CBX3: variants seen among roughly 807,000 people sequenced by gnomAD.
CBX3 encodes chromobox 3.
CBX3 carries 5 observed loss-of-function variants against 22.6 expected under a neutral mutation model. That is an observed-to-expected ratio of 0.22 (90% CI 0.12 to 0.47). The LOEUF (loss-of-function observed/expected upper bound fraction) is 0.47. CBX3 is among the 20% of genes least tolerant of loss of function. The pLI, the probability that CBX3 is intolerant of heterozygous loss-of-function variation, is 0.99. For synonymous variants in CBX3, 50 were observed against 66.6 expected (o/e 0.75, Z 1.21); for missense variants, 83 against 208.1 (o/e 0.40, Z 3.70).
At chr7:26,202,538 AAG>A (rs1341550706) in intron 1 of CBX3, 1 of 155,996 alleles carries the variant, frequency 6.4e-6, no homozygotes, top group East Asian at 1.9e-4. Context: ...ACCGATTGGA[AAG>A]AGGGAGGGTT....
At chr7:26,207,220 T>TTCACCTATCTGTTA (rs1784695110) in intron 3 of CBX3, among the ~76,000 whole-genome samples, 1 of 152,204 alleles carries the variant, frequency 6.6e-6, no homozygotes, top group African/African-American at 2.4e-5. Context: ...ATGATTGGGC[T>TTCACCTATCTGTTA]TCACCTATCT....
chr7:26,201,596 C>A (rs1784440431), upstream of CBX3: 1 of 150,534 alleles, frequency 6.6e-6, no homozygotes, highest in African/African-American at 2.4e-5. Context: ...TCCGCCCTCC[C>A]CCTAGGGCCC....
chr7:26,208,632 T>C (rs997262080), intron 4 of CBX3, 77 bp downstream of exon 4: 2 of 1,378,350 alleles, frequency 1.5e-6, no homozygotes, highest in Non-Finnish European at 1.0e-6. Context: ...GTTTGTTTGT[T>C]TTTTTGAGAT....
At chr7:26,202,941 A>C in intron 1 of CBX3, 30 bp from the exon 2 acceptor site, 1 of 1,426,062 alleles carries the variant, frequency 7.0e-7, no homozygotes. Context: ...TGTCATGCAA[A>C]CTTACCTTAA....
intron 2 of CBX3, among the ~76,000 whole-genome samples, chr7:26,204,125 G>A (rs775778944): frequency 1.3e-4 from 20 of 152,090 alleles, no homozygotes; most frequent in Non-Finnish European, 2.5e-4. Flanking sequence ...TTGGAAAAAA[G>A]TGCTGGGTTA....
chr7:26,208,649 T>C lies in CBX3; in HGVS notation c.330+94T>C, dbSNP rs1584039303. On this transcript the variant is annotated intron_variant, in intron 4 of 5. Coordinates refer to ENST00000396386, the MANE Select transcript of CBX3 (RefSeq NM_016587.4). ...TTGTTTGTTTTTTTGAGATGGAGTC[T>C]TGCTCTTGTCGCCCAGGCTGGAGTG... 3.3e-6 allele frequency: 4 copies of C among 1,225,308 alleles called. No individual in the cohort carries two copies. The East Asian group carries it at 1.0e-4, about 31-fold the overall frequency. 75.9% of individuals were successfully genotyped at this position (1,225,308 alleles called of 1,614,324 possible).
intron 2 of CBX3, among the ~76,000 whole-genome samples, chr7:26,205,723 T>C (rs1034187473): frequency 8.5e-5 from 13 of 152,196 alleles, no homozygotes; most frequent in African/African-American, 3.1e-4. Context: ...TATCACCCTT[T>C]AGGTACTTCC....
intron 2 of CBX3, among the ~76,000 whole-genome samples, chr7:26,203,270 G>C (rs901911809): frequency 6.6e-6 from 1 of 152,178 alleles, no homozygotes; most frequent in Non-Finnish European, 1.5e-5. Context: ...GGATTTTGCT[G>C]AGGATTTTTA....
intron 2 of CBX3, among the ~76,000 whole-genome samples, chr7:26,203,586 C>T (rs771605569): frequency 5.6e-4 from 85 of 151,876 alleles, no homozygotes; most frequent in Non-Finnish European, 9.4e-4. Flanking sequence ...CAAATATGAG[C>T]CAGAAGGGAG....
chr7:26,207,204 A>G (rs939721080), intron 3 of CBX3, among the ~76,000 whole-genome samples: 3 of 152,214 alleles, frequency 2.0e-5, no homozygotes, highest in African/African-American at 7.2e-5. Flanking sequence ...AGCATATGAT[A>G]GTCGAATGAT....
At chr7:26,207,023 T>C in intron 3 of CBX3, among the ~76,000 whole-genome samples, 1 of 152,226 alleles carries the variant, frequency 6.6e-6, no homozygotes, top group Non-Finnish European at 1.5e-5. Flanking sequence ...CTTGATAATG[T>C]TATTCACAAA....
rs1584043221 is a variant in CBX3, at chr7:26,212,768, C to G, written c.*560C>G. ...AATTGAAAATTTTCCTGAAACCATA[C>G]ATTTCAAGTGAAATAAGTAATTCTA... On this transcript the variant is annotated 3_prime_UTR_variant, in exon 6 of 6. Transcript: ENST00000396386. The G allele has an allele frequency of 2.0e-5, 3 of 152,352 alleles. No homozygotes were observed. In the South Asian group the frequency reaches 6.2e-4, roughly 32 times the overall value. 9.4% of individuals were successfully genotyped at this position (152,352 alleles called of 1,614,324 possible).
At chr7:26,203,124 A>G (rs1784589942) in intron 2 of CBX3, 102 bp downstream of exon 2, 1 of 680,136 alleles carries the variant, frequency 1.5e-6, no homozygotes, top group Non-Finnish European at 2.5e-6. Flanking sequence ...ACATCCACAT[A>G]TTTCCCAGCT....
intron 2 of CBX3, among the ~76,000 whole-genome samples, chr7:26,203,758 C>T (rs1014770763): frequency 6.6e-6 from 1 of 152,090 alleles, no homozygotes; most frequent in African/African-American, 2.4e-5. Context: ...GTTAATGTCT[C>T]CTAGGTAAAA....
chr7:26,211,761 G>C lies in CBX3; in HGVS notation c.425+5G>C. The C allele has an allele frequency of 6.4e-7, 1 of 1,566,794 alleles. No homozygotes were observed. The highest frequency in any genetic ancestry group is 8.7e-7 in the Non-Finnish European group (1 of 1,149,696). ...ATTGATGTTTCTCATGAAATGGTGA[G>C]TATGCAGAGATTGTTACATTTGAAA... is the stretch of plus-strand genomic sequence containing the variant. On this transcript the variant is annotated splice_donor_5th_base_variant and intron_variant, in intron 5 of 5. Coordinates refer to ENST00000396386, the MANE Select transcript of CBX3 (RefSeq NM_016587.4).
intron 3 of CBX3, among the ~76,000 whole-genome samples, chr7:26,206,728 G>A (rs943909447): frequency 6.6e-6 from 1 of 152,140 alleles, no homozygotes; most frequent in East Asian, 1.9e-4. Context: ...TTATTACCCT[G>A]GGGAGTCAAA....
chr7:26,203,442 T>TC (rs1411818172), intron 2 of CBX3, among the ~76,000 whole-genome samples: 1 of 152,218 alleles, frequency 6.6e-6, no homozygotes, highest in East Asian at 1.9e-4. Context: ...TGCACCTAGG[T>TC]TGGAGCAAAA....
intron 4 of CBX3, 130 bp from the exon 5 acceptor site, chr7:26,211,532 T>G: frequency 1.9e-6 from 1 of 514,464 alleles, no homozygotes; most frequent in Non-Finnish European, 3.4e-6. Flanking sequence ...ATCAGATGTT[T>G]TTAATTACCA....
intron 2 of CBX3, 83 bp downstream of exon 2, chr7:26,203,105 G>A: frequency 1.2e-6 from 1 of 823,590 alleles, no homozygotes; most frequent in Non-Finnish European, 1.9e-6. Context: ...CTCTGTGGCT[G>A]AGAAATTTAC....
Sources: gnomAD v4.1 joint callset for allele counts (sites outside exome capture counted in the v4.1 genomes callset) on GRCh38, gnomAD v4.1.1 for gene constraint, MANE v1.5 for transcripts, NCBI Gene and HGNC (gene_info 2026-07-23, HGNC 2026-07-21) for gene names.